Variants in SLC4A10 observed in about 807,000 individuals in gnomAD.
SLC4A10 encodes solute carrier family 4 member 10, also known as sodium-driven chloride bicarbonate exchanger.
Under a neutral mutation model 137.7 loss-of-function variants are expected in SLC4A10, and 42 were observed. That is an observed-to-expected ratio of 0.30 (90% confidence interval 0.24 to 0.39). The LOEUF is 0.39. Among genes scored for constraint, SLC4A10 ranks in the 10% least tolerant of loss-of-function variants. SLC4A10 has a pLI of 1.00. For missense variants in SLC4A10, 925 were observed against 1,355.0 expected (o/e 0.68, Z 4.98); for synonymous variants, 474 against 464.1 (o/e 1.02, Z -0.27).
At chr2:161,853,712 TGG>T (rs201519405) in intron 4 of SLC4A10, among the ~76,000 whole-genome samples, 5,962 of 152,338 alleles carry the variant, frequency 0.039, 154 homozygotes, top group Middle Eastern at 0.065. Flanking sequence ...TGGTGATTTG[TGG>T]CTTAAATGTA....
At chr2:161,650,907 CAGGCTCTTGGGCAGAA>C (rs1226455991) in intron 1 of SLC4A10, 1 of 152,600 alleles carries the variant, frequency 6.6e-6, no homozygotes, top group Non-Finnish European at 1.5e-5. Context: ...AAGAGGCAGA[CAGGCTCTTGGGCAGAA>C]AGGGCAGGTC....
At chr2:161,706,965 T>C (rs1327937013) in intron 1 of SLC4A10, among the ~76,000 whole-genome samples, 2 of 151,430 alleles carry the variant, frequency 1.3e-5, no homozygotes, top group African/African-American at 4.8e-5. Context: ...TGTTATGGAG[T>C]CCCTAGCACC....
intron 1 of SLC4A10, among the ~76,000 whole-genome samples, chr2:161,761,867 C>T (rs1324374504): frequency 6.6e-6 from 1 of 152,132 alleles, no homozygotes; most frequent in African/African-American, 2.4e-5. Context: ...CAGACCCTCC[C>T]TGACCTAACT....
At position 161,947,736 on chromosome 2, in the gene SLC4A10, A is replaced by G; in HGVS notation, c.2265+9A>G. 2 of 1,608,530 alleles carry G rather than the reference A, an allele frequency of 1.2e-6. No homozygotes were observed. The highest frequency in any genetic ancestry group is 1.7e-6 in the Non-Finnish European group (2 of 1,177,662). ...GATATTTTCCAACCAAGGTACTTAG[A>G]CTATTTCTTGATCTAAATGTAAAAT... On this transcript the variant is annotated intron_variant, in intron 17 of 26. Coordinates refer to ENST00000446997, the MANE Select transcript of SLC4A10 (RefSeq NM_001178015.2).
chr2:161,979,322 T>C (rs1045429574), intron 26 of SLC4A10, among the ~76,000 whole-genome samples: 28 of 152,244 alleles, frequency 1.8e-4, no homozygotes, highest in African/African-American at 6.8e-4. Flanking sequence ...TGACTTCACA[T>C]AGTGGGTTGA....
At chr2:161,743,562 A>C (rs1440178996) in intron 1 of SLC4A10, among the ~76,000 whole-genome samples, 1 of 151,106 alleles carries the variant, frequency 6.6e-6, no homozygotes, top group African/African-American at 2.4e-5. Flanking sequence ...TGATTCCTCC[A>C]GTTTTTTTTG....
chr2:161,840,594 C>G (rs1364051918), intron 4 of SLC4A10, among the ~76,000 whole-genome samples: 9 of 152,146 alleles, frequency 5.9e-5, no homozygotes, highest in Admixed American at 1.3e-4. Flanking sequence ...GTGCCAAGTG[C>G]AATGGATATG....
chr2:161,880,307 G>T (rs530797971), intron 9 of SLC4A10, among the ~76,000 whole-genome samples: 1 of 152,258 alleles, frequency 6.6e-6, no homozygotes, highest in South Asian at 2.1e-4. Context: ...ATCAACTGTA[G>T]AATATATGTC....
intron 6 of SLC4A10, among the ~76,000 whole-genome samples, chr2:161,866,730 A>G (rs937976150): frequency 6.6e-6 from 1 of 151,942 alleles, no homozygotes; most frequent in African/African-American, 2.4e-5. Flanking sequence ...AAAACTAAAA[A>G]TAAAACTTTT....
At chr2:161,830,363 C>T in intron 3 of SLC4A10, among the ~76,000 whole-genome samples, 1 of 151,788 alleles carries the variant, frequency 6.6e-6, no homozygotes, top group East Asian at 1.9e-4. Flanking sequence ...ACAATTTTTC[C>T]ATCCATTTTC....
At chr2:161,873,530 C>CAAAAAAAAAAAAAAAAAAAAA (rs759717096) in intron 7 of SLC4A10, among the ~76,000 whole-genome samples, 1 of 17,328 alleles carries the variant, frequency 5.8e-5, no homozygotes, top group Non-Finnish European at 1.1e-4. Context: ...GACCACATCT[C>CAAAAAAAAAAAAAAAAAAAAA]AAAAAAAAAA....
At chr2:161,656,869 A>G (rs1020085958) in intron 1 of SLC4A10, among the ~76,000 whole-genome samples, 1 of 152,244 alleles carries the variant, frequency 6.6e-6, no homozygotes, top group Middle Eastern at 3.4e-3. Context: ...ATTTGATTTT[A>G]CATATTTCAT....
rs189038225 is a variant in SLC4A10, at chr2:161,650,160, T to C, written c.48+25594T>C. Among the ~76,000 whole-genome samples the C allele has an allele frequency of 9.8e-5, 15 of 152,310 alleles. No homozygotes were observed. The East Asian group carries it at 2.9e-3, about 29-fold the overall frequency. ...CTTCTCTGATTTGTGACAGTTTCACTCTTCCTTTGTTTTTCATGATCTTGA... is the reference window on the plus strand; with the variant it reads ...CTTCTCTGATTTGTGACAGTTTCACCCTTCCTTTGTTTTTCATGATCTTGA... On this transcript the variant is annotated intron_variant, in intron 1 of 26. Transcript: ENST00000446997.
intron 4 of SLC4A10, among the ~76,000 whole-genome samples, chr2:161,848,914 A>G (rs2059656145): frequency 6.6e-6 from 1 of 152,056 alleles, no homozygotes; most frequent in Non-Finnish European, 1.5e-5. Context: ...AATTTTGAAA[A>G]ATGTGCACTT....
At chr2:161,711,598 T>C (rs762846095) in intron 1 of SLC4A10, among the ~76,000 whole-genome samples, 1 of 151,794 alleles carries the variant, frequency 6.6e-6, no homozygotes, top group Non-Finnish European at 1.5e-5. Flanking sequence ...TGCAAAGCCC[T>C]TGTTTCCCCA....
Position 161,905,661 on chromosome 2 carries a change from C to T in SLC4A10, c.1771C>T (p.Leu591=). The T allele has an allele frequency of 6.2e-7, 1 of 1,608,072 alleles. No homozygotes were observed. The highest frequency in any genetic ancestry group is 8.5e-7 in the Non-Finnish European group (1 of 1,177,322). ...KFCKEYGLSY[L]SLRASIGLWT... ...TCCCAGAGAATATGGGCTGTCATAC[C>T]TATCTTTAAGAGCTAGCATTGGACT... Residue 591 remains leucine, a synonymous_variant, in exon 15 of 27, where the codon CTA becomes TTA. Transcript: ENST00000446997.
intron 16 of SLC4A10, among the ~76,000 whole-genome samples, chr2:161,946,783 C>A (rs1199882524): frequency 6.6e-6 from 1 of 151,962 alleles, no homozygotes; most frequent in Non-Finnish European, 1.5e-5. Flanking sequence ...ACTACAGTTG[C>A]AGAAGAAAAA....
intron 1 of SLC4A10, among the ~76,000 whole-genome samples, chr2:161,630,182 T>C (rs2033252811): frequency 6.6e-6 from 1 of 151,840 alleles, no homozygotes; most frequent in Non-Finnish European, 1.5e-5. Context: ...CTCCACACAC[T>C]TACCAGCATT....
chr2:161,785,475 A>G (rs1216522859), intron 2 of SLC4A10, among the ~76,000 whole-genome samples: 1 of 151,804 alleles, frequency 6.6e-6, no homozygotes, highest in Non-Finnish European at 1.5e-5. Flanking sequence ...CTTAACAACA[A>G]AAACTACCTA....
Sources: gnomAD v4.1 joint callset for allele counts (sites outside exome capture counted in the v4.1 genomes callset) on GRCh38, gnomAD v4.1.1 for gene constraint, MANE v1.5 for transcripts, NCBI Gene and HGNC (gene_info 2026-07-23, HGNC 2026-07-21) for gene names.